The following GRB14 variants were observed in gnomAD, a reference collection of about 807,000 sequenced individuals.
GRB14 encodes the protein growth factor receptor-bound protein 14.
In GRB14, 38 loss-of-function variants were observed where a neutral mutation model predicts 69.1. That is an observed-to-expected ratio of 0.55 (90% CI 0.42 to 0.72). The LOEUF (loss-of-function observed/expected upper bound fraction) is 0.72, where lower values mean the gene tolerates loss of function less well. GRB14 is among the 30% of genes least tolerant of loss of function. The pLI, the probability that GRB14 is intolerant of heterozygous loss-of-function variation, is 0.00. For synonymous variants in GRB14, 247 were observed against 241.3 expected (o/e 1.02, Z -0.22); for missense variants, 666 against 666.1 (o/e 1.00, Z 0.00).
chr2:164,509,005 G>A (rs1687269716), intron 6 of GRB14, among the ~76,000 whole-genome samples, 153 bp from the exon 7 acceptor site: 1 of 152,012 alleles, frequency 6.6e-6, no homozygotes, highest in African/African-American at 2.4e-5. Context: ...AATCTAAGCT[G>A]CCATATCTTT....
chr2:164,521,982 T>C lies in GRB14; in HGVS notation c.814A>G (p.Lys272Glu). 7 of 1,598,628 alleles carry C rather than the reference T, an allele frequency of 4.4e-6. No individual in the cohort carries two copies. The highest frequency in any genetic ancestry group is 6.0e-6 in the Non-Finnish European group (7 of 1,170,920). Reference sequence around the variant, plus strand: ...ACATCATGGATACTTCAATTTACCTTTGATGTTCCTTTAGTAGAAAAATAT... The same window carrying C: ...ACATCATGGATACTTCAATTTACCTCTGATGTTCCTTTAGTAGAAAAATAT... Reference protein sequence around the residue: ...GLYFSTKGTSKEPRHLQFFSE... With the variant: ...GLYFSTKGTSEEPRHLQFFSE... The change falls in exon 6 of 14, where the codon AAG (lysine) becomes GAG (glutamate). Residue 272 changes from lysine (K) to glutamate (E), a missense_variant and splice_region_variant. Coordinates refer to ENST00000263915, the MANE Select transcript of GRB14 (RefSeq NM_004490.3).
chr2:164,600,409 G>C (rs1370780431), intron 2 of GRB14, among the ~76,000 whole-genome samples: 2 of 152,182 alleles, frequency 1.3e-5, no homozygotes, highest in Non-Finnish European at 2.9e-5. Flanking sequence ...GTGGATGTAT[G>C]AGTAATAGCT....
In GRB14 at chr2:164,534,081, T is replaced by C. The variant is rs562034481; in HGVS notation, c.482-6946A>G. On this transcript the variant is annotated intron_variant, in intron 3 of 13. Coordinates refer to ENST00000263915, the MANE Select transcript of GRB14 (RefSeq NM_004490.3). ...GAGAAAGCCAAAGACATACATTCCA[T>C]TCCTTCGAAAAAAGATTTCTAGTAC... Among the ~76,000 whole-genome samples, 3 of 152,222 alleles carry C rather than the reference T, an allele frequency of 2.0e-5. No homozygotes were observed. The East Asian group carries it at 5.8e-4, about 29-fold the overall frequency.
At chr2:164,510,927 A>G (rs1574255343) in intron 6 of GRB14, among the ~76,000 whole-genome samples, 1 of 152,152 alleles carries the variant, frequency 6.6e-6, no homozygotes, top group East Asian at 1.9e-4. Context: ...TTAGCAGGAG[A>G]AAGAATCTGT....
intron 5 of GRB14, among the ~76,000 whole-genome samples, chr2:164,523,363 C>T (rs1207684972): frequency 1.3e-5 from 2 of 151,682 alleles, no homozygotes; most frequent in East Asian, 1.9e-4. Context: ...CTCAACTGAG[C>T]GTTTGTGCTC....
chr2:164,614,991 T>C (rs1391370139), intron 2 of GRB14, among the ~76,000 whole-genome samples: 1 of 152,164 alleles, frequency 6.6e-6, no homozygotes, highest in Non-Finnish European at 1.5e-5. Context: ...TGAGATAAAT[T>C]TTTATTTTTC....
In GRB14 at chr2:164,575,827, A is replaced by G. The variant is rs1467033579; in HGVS notation, c.325-28011T>C. Among the ~76,000 whole-genome samples the G allele has an allele frequency of 2.6e-5, 4 of 152,298 alleles. No homozygotes were observed. The South Asian group carries it at 8.3e-4, about 32-fold the overall frequency. On this transcript the variant is annotated intron_variant, in intron 2 of 13. Coordinates refer to ENST00000263915, the MANE Select transcript of GRB14 (RefSeq NM_004490.3). ...TAAAAAGAGCAAACACAAAGCTAAG[A>G]AAGCAGAACATCTTGTGAATTTTTT...
chr2:164,545,335 C>A (rs1237256495), intron 3 of GRB14, among the ~76,000 whole-genome samples: 2 of 151,904 alleles, frequency 1.3e-5, no homozygotes, highest in Non-Finnish European at 2.9e-5. Flanking sequence ...ATTTTGCAGA[C>A]AGTATTAAAT....
chr2:164,510,760 G>A (rs912746956), intron 6 of GRB14, among the ~76,000 whole-genome samples: 1 of 152,114 alleles, frequency 6.6e-6, no homozygotes, highest in Non-Finnish European at 1.5e-5. Context: ...TCTCAGTCCT[G>A]GTGCATTCAC....
At chr2:164,504,056 C>T (rs1687129665) in intron 8 of GRB14, among the ~76,000 whole-genome samples, 1 of 152,098 alleles carries the variant, frequency 6.6e-6, no homozygotes, top group Non-Finnish European at 1.5e-5. Context: ...GTAACTAGGA[C>T]ATTACATGTG....
chr2:164,617,963 G>GTA (rs1558887064), intron 2 of GRB14, among the ~76,000 whole-genome samples: 1 of 127,500 alleles, frequency 7.8e-6, no homozygotes, highest in Non-Finnish European at 1.7e-5. Context: ...TTTTTTTGGG[G>GTA]GGGGGGGGGT....
intron 2 of GRB14, among the ~76,000 whole-genome samples, chr2:164,594,590 C>T (rs1334340537): frequency 6.6e-6 from 1 of 152,110 alleles, no homozygotes; most frequent in Non-Finnish European, 1.5e-5. Context: ...AAATAATGCT[C>T]ATTATCTACC....
At chr2:164,574,720 G>A (rs1689211335) in intron 2 of GRB14, among the ~76,000 whole-genome samples, 1 of 152,000 alleles carries the variant, frequency 6.6e-6, no homozygotes, top group African/African-American at 2.4e-5. Flanking sequence ...CAGGAGGATG[G>A]CTTGAGGTCA....
At position 164,528,725 on chromosome 2, in the gene GRB14, C is replaced by T. The variant is rs147605526; in HGVS notation, c.482-1590G>A. 1.2e-3 allele frequency among the ~76,000 whole-genome samples: 181 copies of T among 152,228 alleles called. No homozygotes were observed. In the Middle Eastern group the frequency reaches 0.017, roughly 14 times the overall value. On this transcript the variant is annotated intron_variant, in intron 3 of 13. Transcript: ENST00000263915. ...CTCCCCCTATAAATTAATCCATTCT[C>T]ACCTCTTCAACCATCTAATTTGTCA... is the stretch of plus-strand genomic sequence containing the variant.
At chr2:164,595,735 CAGA>C (rs1371822098) in intron 2 of GRB14, among the ~76,000 whole-genome samples, 2 of 152,126 alleles carry the variant, frequency 1.3e-5, no homozygotes, top group African/African-American at 2.4e-5. Flanking sequence ...CTAGCAATAA[CAGA>C]AGAAGAAGAG....
At chr2:164,534,405 T>C (rs1441247363) in intron 3 of GRB14, among the ~76,000 whole-genome samples, 3 of 152,172 alleles carry the variant, frequency 2.0e-5, no homozygotes, top group Non-Finnish European at 4.4e-5. Flanking sequence ...ACATCTCACA[T>C]AAAATTAGCA....
intron 2 of GRB14, among the ~76,000 whole-genome samples, chr2:164,553,188 G>C (rs1158118611): frequency 1.3e-5 from 2 of 152,168 alleles, no homozygotes; most frequent in South Asian, 2.1e-4. Flanking sequence ...CATTCTGAAG[G>C]CTAAACCAAT....
intron 2 of GRB14, among the ~76,000 whole-genome samples, chr2:164,598,580 T>G (rs1186846021): frequency 6.6e-6 from 1 of 152,194 alleles, no homozygotes; most frequent in Admixed American, 6.5e-5. Context: ...TTTTTGAGAC[T>G]GCAAAGTTCT....
At chr2:164,597,596 T>C (rs1239495506) in intron 2 of GRB14, among the ~76,000 whole-genome samples, 1 of 151,842 alleles carries the variant, frequency 6.6e-6, no homozygotes, top group Non-Finnish European at 1.5e-5. Context: ...TTAAAGAAGC[T>C]GGGTTGATTT....
Sources: gnomAD v4.1 joint callset for allele counts (sites outside exome capture counted in the v4.1 genomes callset) on GRCh38, gnomAD v4.1.1 for gene constraint, MANE v1.5 for transcripts, NCBI Gene and HGNC (gene_info 2026-07-23, HGNC 2026-07-21) for gene names.